GNB4: variants seen among roughly 807,000 people sequenced by gnomAD.
GNB4 encodes the protein guanine nucleotide-binding protein subunit beta-4.
Under a neutral mutation model 45.2 loss-of-function variants are expected in GNB4, and 28 were observed. That is an observed-to-expected ratio of 0.62 (90% CI 0.46 to 0.85). GNB4 has a LOEUF of 0.85. Ranked by LOEUF, GNB4 falls within the 40% of genes least tolerant of loss-of-function variation. The pLI, the probability that GNB4 is intolerant of heterozygous loss-of-function variation, is 0.00. For synonymous variants in GNB4, 132 were observed against 143.7 expected (o/e 0.92, Z 0.58); for missense variants, 321 against 425.4 (o/e 0.75, Z 2.16).
the GNB4 span, among the ~76,000 whole-genome samples, chr3:179,461,807 GT>G: frequency 6.6e-6 from 1 of 152,110 alleles, no homozygotes; most frequent in African/African-American, 2.4e-5. Context: ...TTCTTTGTGT[GT>G]AAAAAGTTAC....
chr3:179,457,726 T>C, the GNB4 span, among the ~76,000 whole-genome samples: 1 of 152,210 alleles, frequency 6.6e-6, no homozygotes, highest in Non-Finnish European at 1.5e-5. Context: ...TCAACATTAA[T>C]GCTTCTAGGA....
At chr3:179,489,572 C>CT in the GNB4 span, among the ~76,000 whole-genome samples, 1 of 152,096 alleles carries the variant, frequency 6.6e-6, no homozygotes, top group African/African-American at 2.4e-5. Flanking sequence ...GCGCAGGAGT[C>CT]TGAGGCTACA....
At chr3:179,522,704 A>G in the GNB4 span, among the ~76,000 whole-genome samples, 3 of 152,184 alleles carry the variant, frequency 2.0e-5, no homozygotes, top group Admixed American at 1.3e-4. Context: ...AAGTGTGATC[A>G]GGGTGAGGAA....
chr3:179,478,721 A>T, the GNB4 span, among the ~76,000 whole-genome samples: 1 of 151,988 alleles, frequency 6.6e-6, no homozygotes, highest in Non-Finnish European at 1.5e-5. Context: ...TATGGTTTGG[A>T]TCTGTGTCCC....
At chr3:179,480,374 C>T in the GNB4 span, among the ~76,000 whole-genome samples, 5 of 152,228 alleles carry the variant, frequency 3.3e-5, no homozygotes, top group East Asian at 9.6e-4. Context: ...TCCAGATATT[C>T]TGACCCCTGT....
At chr3:179,422,819 G>C (rs946243520) in intron 2 of GNB4, among the ~76,000 whole-genome samples, 2 of 152,062 alleles carry the variant, frequency 1.3e-5, no homozygotes, top group Non-Finnish European at 2.9e-5. Context: ...TTGAGACAGA[G>C]TCTTGCTCTG....
chr3:179,474,930 C>T, the GNB4 span, among the ~76,000 whole-genome samples: 3 of 149,724 alleles, frequency 2.0e-5, no homozygotes, highest in Non-Finnish European at 4.4e-5. Flanking sequence ...GACTGGGTAC[C>T]GTATAAAGAA....
chr3:179,524,162 G>A, the GNB4 span, among the ~76,000 whole-genome samples: 1 of 152,244 alleles, frequency 6.6e-6, no homozygotes, highest in African/African-American at 2.4e-5. Flanking sequence ...TGGTCCACGA[G>A]GCTTCTGAGG....
chr3:179,515,702 T>C, the GNB4 span, among the ~76,000 whole-genome samples: 1 of 152,128 alleles, frequency 6.6e-6, no homozygotes, highest in African/African-American at 2.4e-5. Flanking sequence ...ATTCCTATCT[T>C]CTTGTATTAA....
chr3:179,468,035 A>AAAAAAAAAAAATATATATATATATAT, the GNB4 span, among the ~76,000 whole-genome samples: 245 of 89,840 alleles, frequency 2.7e-3, 11 homozygotes, highest in African/African-American at 8.7e-3. Context: ...TGTTGATAAA[A>AAAAAAAAAAAATATATATATATATAT]ATATATATAT....
At position 179,412,080 on chromosome 3, in the gene GNB4, C is replaced by CTTA. The variant is rs1283638734; in HGVS notation, c.699+1329_699+1331dup. 3.3e-5 allele frequency among the ~76,000 whole-genome samples: 5 copies of CTTA among 152,304 alleles called. No homozygotes were observed. The East Asian group carries it at 9.6e-4, about 29-fold the overall frequency. ...CTAATTTACAGATATCTATGACTAG[C>CTTA]TTATCCTCCTATATACTGAGTACTT... On this transcript the variant is annotated intron_variant, in intron 8 of 9. Coordinates refer to ENST00000232564, the MANE Select transcript of GNB4 (RefSeq NM_021629.4).
At chr3:179,504,265 C>G in the GNB4 span, among the ~76,000 whole-genome samples, 2 of 152,078 alleles carry the variant, frequency 1.3e-5, no homozygotes, top group South Asian at 4.1e-4. Context: ...CCATCTCTCC[C>G]ACAGGCCTGA....
the GNB4 span, among the ~76,000 whole-genome samples, chr3:179,519,224 C>A: frequency 6.6e-5 from 10 of 152,244 alleles, no homozygotes; most frequent in Non-Finnish European, 1.0e-4. Context: ...TGGGACCCCA[C>A]TGGAAATCAG....
At chr3:179,446,780 A>G (rs1258101148) in intron 1 of GNB4, among the ~76,000 whole-genome samples, 4 of 152,242 alleles carry the variant, frequency 2.6e-5, no homozygotes, top group African/African-American at 9.6e-5. Context: ...ATCACCAAAC[A>G]CCTTACGTAG....
the GNB4 span, among the ~76,000 whole-genome samples, chr3:179,468,052 A>ATATATATATATAT: frequency 2.2e-5 from 3 of 139,446 alleles, no homozygotes; most frequent in Non-Finnish European, 4.6e-5. Flanking sequence ...ATATATATAG[A>ATATATATATATAT]ACAGGTGTGG....
rs890828913 is a variant in GNB4 at position 179,433,121 on chromosome 3, C to T, written c.-42-6879G>A. Among the ~76,000 whole-genome samples, 17 of 152,036 alleles carry T rather than the reference C, an allele frequency of 1.1e-4. No individual in the cohort carries two copies. In the East Asian group the frequency reaches 1.2e-3, roughly 10 times the overall value. On this transcript the variant is annotated intron_variant, in intron 1 of 9. Coordinates refer to ENST00000232564, the MANE Select transcript of GNB4 (RefSeq NM_021629.4). ...TTTTCCTGAAATAATGATAAAAACA[C>T]GAAGTGATTACAGACAGAAAGTTTT...
intron 1 of GNB4, among the ~76,000 whole-genome samples, chr3:179,431,593 C>T (rs1293384853): frequency 1.3e-5 from 2 of 151,126 alleles, no homozygotes; most frequent in Non-Finnish European, 2.9e-5. Context: ...ACTTGTCCTA[C>T]ACAATGTACC....
chr3:179,479,578 T>G, the GNB4 span, among the ~76,000 whole-genome samples: 1 of 152,164 alleles, frequency 6.6e-6, no homozygotes, highest in Non-Finnish European at 1.5e-5. Context: ...AATGCCTTAA[T>G]TGCAAAGAGA....
At chr3:179,507,782 G>A in the GNB4 span, among the ~76,000 whole-genome samples, 1 of 152,130 alleles carries the variant, frequency 6.6e-6, no homozygotes, top group East Asian at 1.9e-4. Context: ...ACAGCACTTT[G>A]TACAATCTTG....
Sources: gnomAD v4.1 joint callset for allele counts (sites outside exome capture counted in the v4.1 genomes callset) on GRCh38, gnomAD v4.1.1 for gene constraint, MANE v1.5 for transcripts, NCBI Gene and HGNC (gene_info 2026-07-23, HGNC 2026-07-21) for gene names.